CA10: variants seen among roughly 807,000 people sequenced by gnomAD.
CA10 encodes carbonic anhydrase 10 (inactive), also known as carbonic anhydrase-related protein 10.
In CA10, 14 loss-of-function variants were observed where a neutral mutation model predicts 44.2. The ratio of observed to expected loss-of-function variants is 0.32; its 90% CI spans 0.21 to 0.50. The LOEUF (loss-of-function observed/expected upper bound fraction) is 0.50. CA10 is among the 20% of genes least tolerant of loss of function. CA10 has a pLI of 0.99. For missense variants in CA10, 350 were observed against 409.7 expected (o/e 0.85, Z 1.26); for synonymous variants, 159 against 141.6 (o/e 1.12, Z -0.87).
At chr17:51,958,567 T>C (rs1019136641) in intron 2 of CA10, among the ~76,000 whole-genome samples, 1 of 152,160 alleles carries the variant, frequency 6.6e-6, no homozygotes, top group Non-Finnish European at 1.5e-5. Context: ...AAGTGTATTA[T>C]TTTTTCCTCA....
chr17:51,970,729 T>C (rs1172694370), intron 2 of CA10, among the ~76,000 whole-genome samples: 1 of 152,072 alleles, frequency 6.6e-6, no homozygotes. Context: ...ATCCTGAAAA[T>C]ATTGTGTTTT....
intron 1 of CA10, among the ~76,000 whole-genome samples, chr17:52,122,843 G>A (rs1439065337): frequency 2.0e-5 from 3 of 152,174 alleles, no homozygotes; most frequent in Non-Finnish European, 4.4e-5. Flanking sequence ...TCTGCTGTAT[G>A]TTGGGTTTAG....
At chr17:51,658,858 T>A (rs530434523) in intron 4 of CA10, among the ~76,000 whole-genome samples, 1 of 152,328 alleles carries the variant, frequency 6.6e-6, no homozygotes, top group South Asian at 2.1e-4. Context: ...TTCCTGCGAC[T>A]ATTTGAGTTC....
In CA10 at chr17:51,690,465, A is replaced by G. The variant is rs1056584452; in HGVS notation, c.466-36729T>C. Among the ~76,000 whole-genome samples, 6 of 152,148 alleles carry G rather than the reference A, an allele frequency of 3.9e-5. No individual in the cohort carries two copies. The East Asian group carries it at 1.2e-3, about 29-fold the overall frequency. On this transcript the variant is annotated intron_variant, in intron 4 of 8. Coordinates refer to ENST00000451037, the MANE Select transcript of CA10 (RefSeq NM_020178.5). ...ATTCCATGTGTGATATGGTTTGGCTATGTCCCCACCCAAATCTCATCTTGA... is the reference window on the plus strand; with the variant it reads ...ATTCCATGTGTGATATGGTTTGGCTGTGTCCCCACCCAAATCTCATCTTGA...
intron 1 of CA10, among the ~76,000 whole-genome samples, chr17:52,091,953 T>C (rs1988277457): frequency 6.6e-6 from 1 of 152,188 alleles, no homozygotes; most frequent in African/African-American, 2.4e-5. Context: ...TTGAAAAGTA[T>C]ATGCCGCCTA....
intron 3 of CA10, among the ~76,000 whole-genome samples, chr17:51,813,617 C>T (rs1183405046): frequency 6.6e-6 from 1 of 152,170 alleles, no homozygotes; most frequent in Non-Finnish European, 1.5e-5. Flanking sequence ...CTTCTCTTGC[C>T]TTCTGTGAAG....
At chr17:52,117,339 C>T (rs1410380863) in intron 1 of CA10, among the ~76,000 whole-genome samples, 2 of 152,178 alleles carry the variant, frequency 1.3e-5, no homozygotes, top group African/African-American at 4.8e-5. Flanking sequence ...GGATAAATCC[C>T]TCTCAAAATC....
At chr17:52,150,568 T>C (rs1186187430) in intron 1 of CA10, among the ~76,000 whole-genome samples, 1 of 152,142 alleles carries the variant, frequency 6.6e-6, no homozygotes, top group African/African-American at 2.4e-5. Context: ...AACTGAACCA[T>C]AGAGTGGGTA....
intron 1 of CA10, among the ~76,000 whole-genome samples, chr17:52,132,187 G>T (rs1989257575): frequency 6.6e-6 from 1 of 151,888 alleles, no homozygotes; most frequent in African/African-American, 2.4e-5. Context: ...AATAAAAAAA[G>T]AAATACTATT....
At chr17:52,142,561 T>A (rs1046367820) in intron 1 of CA10, among the ~76,000 whole-genome samples, 1 of 152,136 alleles carries the variant, frequency 6.6e-6, no homozygotes, top group Non-Finnish European at 1.5e-5. Context: ...ACAACAGAAA[T>A]GAACTGTACA....
intron 3 of CA10, among the ~76,000 whole-genome samples, chr17:51,871,529 C>T (rs534519309): frequency 1.1e-4 from 17 of 150,494 alleles, no homozygotes; most frequent in Admixed American, 4.7e-4. Context: ...TGTGAGCCAT[C>T]GCGCCCAGCC....
At chr17:52,101,376 G>A (rs1217215735) in intron 1 of CA10, among the ~76,000 whole-genome samples, 1 of 152,204 alleles carries the variant, frequency 6.6e-6, no homozygotes, top group East Asian at 1.9e-4. Context: ...TGAGGCAAAT[G>A]TGACATCATG....
intron 2 of CA10, among the ~76,000 whole-genome samples, chr17:52,006,899 T>C (rs996557199): frequency 3.3e-5 from 5 of 151,798 alleles, no homozygotes; most frequent in African/African-American, 9.7e-5. Flanking sequence ...GTCGTGCACA[T>C]TGTGATTCTT....
At chr17:52,052,288 G>GC (rs944817230) in intron 2 of CA10, among the ~76,000 whole-genome samples, 2 of 23,204 alleles carry the variant, frequency 8.6e-5, no homozygotes, top group African/African-American at 5.1e-4. Flanking sequence ...AACTTAAAAG[G>GC]CTTTTTTTTT....
At chr17:51,875,868 A>G (rs1188173910) in intron 3 of CA10, among the ~76,000 whole-genome samples, 1 of 152,138 alleles carries the variant, frequency 6.6e-6, no homozygotes, top group African/African-American at 2.4e-5. Flanking sequence ...ATTGTTATCT[A>G]TTCCTATTTC....
chr17:51,770,274 T>C (rs1905552069), intron 3 of CA10, among the ~76,000 whole-genome samples: 1 of 151,860 alleles, frequency 6.6e-6, no homozygotes, highest in Non-Finnish European at 1.5e-5. Flanking sequence ...TCTACGTTAT[T>C]CTCTAAATCA....
intron 3 of CA10, among the ~76,000 whole-genome samples, chr17:51,792,997 C>T (rs536034350): frequency 1.3e-5 from 2 of 152,232 alleles, no homozygotes; most frequent in South Asian, 4.2e-4. Flanking sequence ...AAATGCAGAC[C>T]GTTAAGGAAC....
chr17:51,774,159 G>A (rs1905717844), intron 3 of CA10, among the ~76,000 whole-genome samples: 1 of 152,182 alleles, frequency 6.6e-6, no homozygotes, highest in African/African-American at 2.4e-5. Context: ...TGTCATGCCT[G>A]TGTGACTTAA....
At chr17:51,923,414 A>T (rs1359254464) in intron 3 of CA10, among the ~76,000 whole-genome samples, 1 of 152,204 alleles carries the variant, frequency 6.6e-6, no homozygotes, top group Non-Finnish European at 1.5e-5. Context: ...CTATTAAAAC[A>T]TTAATGCCAA....
Sources: gnomAD v4.1 joint callset for allele counts (sites outside exome capture counted in the v4.1 genomes callset) on GRCh38, gnomAD v4.1.1 for gene constraint, MANE v1.5 for transcripts, NCBI Gene and HGNC (gene_info 2026-07-23, HGNC 2026-07-21) for gene names.